Variants in FAF1 observed in about 807,000 individuals in gnomAD.
FAF1 encodes the protein FAS-associated factor 1.
Under a neutral mutation model 92.5 loss-of-function variants are expected in FAF1, and 25 were observed. The observed-to-expected ratio is 0.27, with a 90% CI of 0.20 to 0.38. The LOEUF (loss-of-function observed/expected upper bound fraction) is 0.38, where lower values mean the gene tolerates loss of function less well. Among genes scored for constraint, FAF1 ranks in the 10% least tolerant of loss-of-function variants. FAF1 has a pLI of 1.00. For missense variants in FAF1, 636 were observed against 793.3 expected (o/e 0.80, Z 2.38); for synonymous variants, 234 against 273.2 (o/e 0.86, Z 1.42).
At chr1:50,640,637 A>C (rs1654281337) in intron 8 of FAF1, among the ~76,000 whole-genome samples, 1 of 152,114 alleles carries the variant, frequency 6.6e-6, no homozygotes, top group South Asian at 2.1e-4. Flanking sequence ...TGGTAATTTT[A>C]ACCTTTCAAG....
chr1:50,698,900 A>T (rs1278019262), intron 7 of FAF1, among the ~76,000 whole-genome samples: 2 of 152,100 alleles, frequency 1.3e-5, no homozygotes, highest in African/African-American at 4.8e-5. Flanking sequence ...TATTTTCTAA[A>T]AATGTAATTA....
intron 15 of FAF1, among the ~76,000 whole-genome samples, chr1:50,527,108 G>A (rs1270632847): frequency 6.6e-6 from 1 of 151,798 alleles, no homozygotes; most frequent in Non-Finnish European, 1.5e-5. Context: ...TGCCCACCTC[G>A]GCCTACCAAA....
At chr1:50,772,263 T>A (rs1660800770) in intron 4 of FAF1, among the ~76,000 whole-genome samples, 1 of 152,194 alleles carries the variant, frequency 6.6e-6, no homozygotes, top group African/African-American at 2.4e-5. Context: ...TGTAAATTAG[T>A]TCAGCCTTTG....
rs1359407419 is a variant in FAF1, at chr1:50,668,008, A to T, written c.658-12480T>A. ...TTGCCTTTCTCTGAGATGTGAAAAAAGTGGTGGGAACCATCAGCAACAGAA... is the reference window on the plus strand; with the variant it reads ...TTGCCTTTCTCTGAGATGTGAAAAATGTGGTGGGAACCATCAGCAACAGAA... On this transcript the variant is annotated intron_variant, in intron 7 of 18. Transcript: ENST00000396153. Among the ~76,000 whole-genome samples, 3 of 152,340 alleles carry T rather than the reference A, an allele frequency of 2.0e-5. No homozygotes were observed. In the East Asian group the frequency reaches 5.8e-4, roughly 29 times the overall value.
At chr1:50,537,173 G>A (rs991279706) in intron 14 of FAF1, among the ~76,000 whole-genome samples, 1 of 152,078 alleles carries the variant, frequency 6.6e-6, no homozygotes, top group Non-Finnish European at 1.5e-5. Flanking sequence ...TCGGAGCATG[G>A]GAAATGGGTA....
intron 8 of FAF1, among the ~76,000 whole-genome samples, chr1:50,618,869 C>T (rs1362054639): frequency 1.3e-5 from 2 of 151,986 alleles, no homozygotes; most frequent in Non-Finnish European, 2.9e-5. Flanking sequence ...CTGCCTCAGC[C>T]TCCTGGGTAG....
At chr1:50,918,709 G>A (rs1237721148) in intron 1 of FAF1, among the ~76,000 whole-genome samples, 1 of 104,186 alleles carries the variant, frequency 9.6e-6, no homozygotes, top group African/African-American at 3.9e-5. Context: ...TATATACCCA[G>A]TAATGGGATG....
chr1:50,627,756 T>G (rs973700359), intron 8 of FAF1, among the ~76,000 whole-genome samples: 9 of 152,198 alleles, frequency 5.9e-5, no homozygotes, highest in African/African-American at 1.9e-4. Flanking sequence ...GCTGGCTACA[T>G]GGCAGTATTT....
At chr1:50,619,931 C>CA (rs1432570472) in intron 8 of FAF1, among the ~76,000 whole-genome samples, 1 of 134,920 alleles carries the variant, frequency 7.4e-6, no homozygotes, top group African/African-American at 2.8e-5. Flanking sequence ...TTTTTTGAGA[C>CA]AGAGTCTTGC....
intron 2 of FAF1, among the ~76,000 whole-genome samples, chr1:50,815,732 T>C (rs1371369765): frequency 6.6e-6 from 1 of 152,214 alleles, no homozygotes; most frequent in East Asian, 1.9e-4. Context: ...CTTTTAGTAA[T>C]AGCCATTCTG....
At chr1:50,515,861 G>T (rs1647211456) in intron 15 of FAF1, among the ~76,000 whole-genome samples, 1 of 151,944 alleles carries the variant, frequency 6.6e-6, no homozygotes, top group Non-Finnish European at 1.5e-5. Context: ...CAAGCCATTT[G>T]ACACTTCCAA....
chr1:50,723,252 T>A (rs1462475269), intron 6 of FAF1, among the ~76,000 whole-genome samples: 1 of 151,904 alleles, frequency 6.6e-6, no homozygotes, highest in African/African-American at 2.4e-5. Context: ...AATACAAAAA[T>A]GAGCCAGGTG....
intron 15 of FAF1, among the ~76,000 whole-genome samples, chr1:50,527,054 G>C (rs1424105733): frequency 6.6e-6 from 1 of 151,946 alleles, no homozygotes; most frequent in Non-Finnish European, 1.5e-5. Flanking sequence ...ACAGGGTTTC[G>C]CTATGTTGGC....
intron 3 of FAF1, among the ~76,000 whole-genome samples, chr1:50,800,794 T>C (rs1661961155): frequency 6.6e-6 from 1 of 152,202 alleles, no homozygotes. Flanking sequence ...TAATCTGCTG[T>C]TTCTGTTCGC....
In FAF1 at chr1:50,440,314, T is replaced by A. The variant is rs1359050364; in HGVS notation, c.*1126A>T. On this transcript the variant is annotated 3_prime_UTR_variant, in exon 19 of 19. Coordinates refer to ENST00000396153, the MANE Select transcript of FAF1 (RefSeq NM_007051.3). ...ACTTACTAAATCAAATCAAAAATTA[T>A]TATATGCAGGTTTCAGGCAACACAT... The A allele has an allele frequency of 3.3e-5, 5 of 152,214 alleles. No homozygotes were observed. Among genetic ancestry groups the A allele is most frequent in the Admixed American group, 6.5e-5 (1 of 15,282 alleles). 9.4% of individuals were successfully genotyped at this position (152,214 alleles called of 1,614,324 possible). A position where few individuals can be genotyped will look rare whatever the true frequency, so the allele number is the denominator to read the frequency against.
At chr1:50,649,528 A>G (rs760702588) in intron 8 of FAF1, among the ~76,000 whole-genome samples, 60 of 152,350 alleles carry the variant, frequency 3.9e-4, no homozygotes, top group Non-Finnish European at 6.0e-4. Context: ...AAAATATTTA[A>G]TAAGTAGCTT....
chr1:50,808,043 T>A (rs1165031192), intron 2 of FAF1, among the ~76,000 whole-genome samples: 1 of 151,962 alleles, frequency 6.6e-6, no homozygotes, highest in Non-Finnish European at 1.5e-5. Flanking sequence ...CTTCCTCAGG[T>A]TAACAGTGGA....
chr1:50,521,355 C>G (rs1647490956), intron 15 of FAF1, among the ~76,000 whole-genome samples: 1 of 152,038 alleles, frequency 6.6e-6, no homozygotes, highest in South Asian at 2.1e-4. Flanking sequence ...ATGACTGTCT[C>G]CAAACATAGG....
chr1:50,668,131 G>T (rs1293136068), intron 7 of FAF1, among the ~76,000 whole-genome samples: 2 of 152,206 alleles, frequency 1.3e-5, no homozygotes, highest in Non-Finnish European at 2.9e-5. Flanking sequence ...GTTGGGGTCT[G>T]CCATGAATAC....
Sources: allele counts gnomAD v4.1 joint callset (sites outside exome capture counted in the v4.1 genomes callset), GRCh38; gene constraint gnomAD v4.1.1; transcripts MANE v1.5; gene names NCBI Gene and HGNC (gene_info 2026-07-23, HGNC 2026-07-21).